Variants in HTR2C observed in about 807,000 individuals in gnomAD.
HTR2C encodes the protein 5-hydroxytryptamine receptor 2C.
Under a neutral mutation model 21.0 loss-of-function variants are expected in HTR2C, and 5 were observed. The observed-to-expected ratio is 0.24, with a 90% CI of 0.12 to 0.50. The LOEUF is 0.50. Ranked by LOEUF, HTR2C falls within the 20% of genes least tolerant of loss-of-function variation. The pLI is 0.98. For missense variants in HTR2C, 271 were observed against 371.2 expected (o/e 0.73, Z 2.22); for synonymous variants, 150 against 145.3 (o/e 1.03, Z -0.23).
intron 4 of HTR2C, among the ~76,000 whole-genome samples, chrX:114,763,448 T>G: frequency 8.9e-6 from 1 of 112,077 alleles, no homozygotes; most frequent in Non-Finnish European, 1.9e-5. Context: ...GTGGCACATT[T>G]TGTTATCTAA....
chrX:114,817,429 C>A (rs2070595848), intron 4 of HTR2C, among the ~76,000 whole-genome samples: 2 of 111,902 alleles, frequency 1.8e-5, no homozygotes, highest in Admixed American at 1.9e-4. Context: ...TCAAAATTCT[C>A]TCCTTCATAA....
At position 114,652,635 on chromosome X, in the gene HTR2C, C is replaced by T. The variant is rs1467235198; in HGVS notation, c.-80+38754C>T. On this transcript the variant is annotated intron_variant, in intron 2 of 5. Transcript: ENST00000276198. ...ATAACATATTCAACACATTGTGTTT[C>T]TCCATGCCTGGCATATAGCAGGTCC... is the stretch of plus-strand genomic sequence containing the variant. 8.0e-6 allele frequency: 3 copies of T among 375,729 alleles called. No individual in the cohort carries two copies. In the East Asian group the frequency reaches 2.3e-4, roughly 29 times the overall value. The allele number at this position is 375,729 out of a possible 1,213,427, so 31.0% of individuals were successfully genotyped here.
At chrX:114,735,174 G>A (rs5988117) in intron 4 of HTR2C, among the ~76,000 whole-genome samples, 3,034 of 110,208 alleles carry the variant, frequency 0.028, 115 homozygotes, top group African/African-American at 0.095. Context: ...AAAATTATCT[G>A]GGTATGGTGC....
chrX:114,811,942 A>AT (rs1255054550), intron 4 of HTR2C, among the ~76,000 whole-genome samples: 1 of 111,398 alleles, frequency 9.0e-6, no homozygotes, highest in Non-Finnish European at 1.9e-5. Context: ...ATTTTTTAAA[A>AT]TTTTTATTTT....
intron 1 of HTR2C, among the ~76,000 whole-genome samples, chrX:114,592,776 C>T (rs1927685803): frequency 8.9e-6 from 1 of 111,788 alleles, no homozygotes; most frequent in South Asian, 3.7e-4. Flanking sequence ...TCAGACAACT[C>T]CCTATCTCAT....
chrX:114,694,492 T>TACACACACAC (rs1342052056), intron 2 of HTR2C, among the ~76,000 whole-genome samples: 5 of 16,931 alleles, frequency 3.0e-4, no homozygotes, highest in African/African-American at 8.2e-4. Flanking sequence ...TATATATATA[T>TACACACACAC]ACACACACAG....
At chrX:114,786,199 A>G (rs1456792874) in intron 4 of HTR2C, among the ~76,000 whole-genome samples, 1 of 112,038 alleles carries the variant, frequency 8.9e-6, no homozygotes, top group Non-Finnish European at 1.9e-5. Flanking sequence ...ATGGAGCCAT[A>G]GGAACTCTTA....
intron 1 of HTR2C, among the ~76,000 whole-genome samples, chrX:114,592,857 G>A (rs1927688327): frequency 8.9e-6 from 1 of 111,955 alleles, no homozygotes; most frequent in Non-Finnish European, 1.9e-5. Flanking sequence ...CCTGGGCAGA[G>A]CATAGATAAG....
intron 5 of HTR2C, among the ~76,000 whole-genome samples, chrX:114,887,734 G>A (rs2071230122): frequency 9.0e-6 from 1 of 111,154 alleles, no homozygotes; most frequent in African/African-American, 3.3e-5. Flanking sequence ...TTAAAAGCCA[G>A]CTGTTGGCCG....
intron 1 of HTR2C, among the ~76,000 whole-genome samples, chrX:114,596,113 CAT>C (rs1477216851): frequency 9.8e-5 from 11 of 112,187 alleles, no homozygotes; most frequent in Admixed American, 3.8e-4. Context: ...TACCCACACA[CAT>C]GGCATATTTT....
chrX:114,715,705 A>T (rs1015624680), intron 2 of HTR2C, among the ~76,000 whole-genome samples: 1 of 111,824 alleles, frequency 8.9e-6, no homozygotes, highest in South Asian at 3.7e-4. Context: ...TATTTAAAAG[A>T]TATCTAACCT....
intron 2 of HTR2C, among the ~76,000 whole-genome samples, chrX:114,709,464 G>A (rs1315137326): frequency 8.9e-6 from 1 of 112,005 alleles, no homozygotes; most frequent in Non-Finnish European, 1.9e-5. Context: ...CTCTAGTCAT[G>A]GAAGTGTTAA....
chrX:114,849,391 A>G (rs782568619), intron 5 of HTR2C, among the ~76,000 whole-genome samples: 32 of 112,549 alleles, frequency 2.8e-4, no homozygotes, highest in Non-Finnish European at 5.8e-4. Flanking sequence ...ATAAAACACT[A>G]AAAGCCCTAA....
At chrX:114,606,352 G>C (rs185887551) in intron 1 of HTR2C, among the ~76,000 whole-genome samples, 1 of 111,585 alleles carries the variant, frequency 9.0e-6, no homozygotes, top group Non-Finnish European at 1.9e-5. Context: ...GGGACTTGCC[G>C]CTTAAGGTGA....
chrX:114,812,458 G>A (rs2070541639), intron 4 of HTR2C, among the ~76,000 whole-genome samples: 1 of 110,939 alleles, frequency 9.0e-6, no homozygotes, highest in South Asian at 3.9e-4. Flanking sequence ...GGCCGGGCTC[G>A]GTGGCTTACA....
At chrX:114,895,340 C>T (rs2071288591) in intron 5 of HTR2C, among the ~76,000 whole-genome samples, 1 of 111,580 alleles carries the variant, frequency 9.0e-6, no homozygotes, top group Non-Finnish European at 1.9e-5. Flanking sequence ...TGCAACTTAT[C>T]ATAATTGATC....
intron 5 of HTR2C, among the ~76,000 whole-genome samples, chrX:114,866,643 C>T (rs1023507819): frequency 5.5e-5 from 6 of 109,942 alleles, no homozygotes; most frequent in African/African-American, 1.7e-4. Flanking sequence ...TCTCTCCCCC[C>T]ACAACCACCA....
At chrX:114,847,641 G>T (rs2147488797) in intron 4 of HTR2C, among the ~76,000 whole-genome samples, 1 of 109,993 alleles carries the variant, frequency 9.1e-6, no homozygotes, top group South Asian at 4.0e-4. Context: ...GGAGCTGGTT[G>T]ATGGGAGAAT....
rs1013657546 is a variant in HTR2C, at chrX:114,731,732, C to T, written c.349+125C>T. On this transcript the variant is annotated intron_variant, in intron 4 of 5. Transcript: ENST00000276198. ...AAAAAGAAAAAAGCAAATCGTGTGA[C>T]AGAAGGAGTTGGATGTATGTATCAT... The T allele has an allele frequency of 5.4e-5, 27 of 499,530 alleles. No individual in the cohort carries two copies. In the Admixed American group the frequency reaches 6.5e-4, roughly 12 times the overall value. 41.2% of individuals were successfully genotyped at this position (499,530 alleles called of 1,213,427 possible). A position where few individuals can be genotyped will look rare whatever the true frequency, so the allele number is the denominator to read the frequency against.
Sources: allele counts gnomAD v4.1 joint callset (sites outside exome capture counted in the v4.1 genomes callset), GRCh38; gene constraint gnomAD v4.1.1; transcripts MANE v1.5; gene names NCBI Gene and HGNC (gene_info 2026-07-23, HGNC 2026-07-21).